MICALL1: variants seen among roughly 807,000 people sequenced by gnomAD.
The protein encoded by MICALL1 is MICAL like 1.
A neutral mutation model predicts 83.7 loss-of-function variants in MICALL1; 61 were observed. That is an observed-to-expected ratio of 0.73 (90% CI 0.59 to 0.90). The LOEUF is 0.90. MICALL1 is among the 40% of genes least tolerant of loss of function. The probability of loss-of-function intolerance (pLI) is 0.00; values close to 1 mark genes in which losing one functional copy is unlikely to be tolerated. For missense variants in MICALL1, 1,066 were observed against 1,152.0 expected, an observed-to-expected ratio of 0.93 and a Z score of 1.08; for synonymous variants, 481 against 473.6, an observed-to-expected ratio of 1.02 and a Z score of -0.20.
In MICALL1 at chr22:37,925,859, T is replaced by TGAG. The variant is rs748727207; in HGVS notation, c.1296_1298dup (p.Glu432dup). ...TGGAGTCCAAACCCTATAACCCCTTTGAGGAGGAGGAGGAGGACAAGGAGG... is the reference window on the plus strand; with the variant it reads ...TGGAGTCCAAACCCTATAACCCCTTTGAGGAGGAGGAGGAGGAGGACAAGGAGG... On this transcript the variant is annotated inframe_insertion, in exon 8 of 16. Transcript: ENST00000215957. 3.1e-6 allele frequency: 5 copies of TGAG among 1,613,564 alleles called. No individual in the cohort carries two copies. Among genetic ancestry groups the TGAG allele is most frequent in the Admixed American group, 3.3e-5 (2 of 59,984 alleles).
At chr22:37,934,583 A>C (rs989842408) in intron 13 of MICALL1, among the ~76,000 whole-genome samples, 4 of 145,572 alleles carry the variant, frequency 2.7e-5, no homozygotes, top group African/African-American at 5.0e-5. Context: ...GGGGGGGGGT[A>C]TTTATTTATT....
chr22:37,932,051 T>G lies in MICALL1; in HGVS notation c.2016+118T>G. 1 of 1,433,874 alleles carries G rather than the reference T, an allele frequency of 7.0e-7. No homozygotes were observed. The highest frequency in any genetic ancestry group is 9.3e-7 in the Non-Finnish European group (1 of 1,073,568). 88.8% of individuals were successfully genotyped at this position (1,433,874 alleles called of 1,614,324 possible). The stretch of plus-strand genomic sequence containing the variant: ...GGCTGGCTAGGCAGTGGGCCTCAGA[T>G]GCTCAAGAGAGCACTCTTGGCGGCC... On this transcript the variant is annotated intron_variant, in intron 10 of 15. Coordinates refer to ENST00000215957, the MANE Select transcript of MICALL1 (RefSeq NM_033386.4). This position sits in a 1 kb window ranked among gnomAD's most constrained non-coding sequence, Gnocchi z 4.4.
chr22:37,927,149 CATGGGGGCT>C (rs1210824441), intron 8 of MICALL1: 3 of 452,506 alleles, frequency 6.6e-6, no homozygotes, highest in African/African-American at 5.9e-5. Context: ...TGGGTGCCCT[CATGGGGGCT>C]ATGGGGAGTG....
chr22:37,917,659 C>T (rs750046077), intron 3 of MICALL1, 48 bp from the exon 4 acceptor site: 8 of 1,572,230 alleles, frequency 5.1e-6, no homozygotes, highest in Non-Finnish European at 1.7e-6. Context: ...CCTCCTGGGA[C>T]TCCAGGATCT....
Position 37,925,844 on chromosome 22 carries a change from A to G in MICALL1, c.1266A>G (p.Lys422=). ...QPSPTASLES[K]PYNPFEEEEE... is the part of the protein sequence containing the mutation. Reference sequence around the variant, plus strand: ...GCCCAACGGCCAGCCTGGAGTCCAAACCCTATAACCCCTTTGAGGAGGAGG... The same window carrying G: ...GCCCAACGGCCAGCCTGGAGTCCAAGCCCTATAACCCCTTTGAGGAGGAGG... The change falls in exon 8 of 16, where the codon AAA becomes AAG. Residue 422 remains lysine (K), a synonymous_variant. Coordinates refer to ENST00000215957, the MANE Select transcript of MICALL1 (RefSeq NM_033386.4). The G allele has an allele frequency of 6.2e-7, 1 of 1,613,776 alleles. No individual in the cohort carries two copies. Among genetic ancestry groups the G allele is most frequent in the Middle Eastern group, 1.7e-4 (1 of 6,036 alleles).
At position 37,906,629 on chromosome 22, in the gene MICALL1, C is replaced by G; in HGVS notation, c.146+61C>G. On this transcript the variant is annotated intron_variant, in intron 1 of 15. Coordinates refer to ENST00000215957, the MANE Select transcript of MICALL1 (RefSeq NM_033386.4). The surrounding 1 kb of genome is among the most constrained non-coding windows in gnomAD (Gnocchi z 4.4). ...GGCGGGCTGGGGCCGCGACCGCCGCCCCCCCTCAGTAACACGAAGCCCGGG... is the reference window on the plus strand; with the variant it reads ...GGCGGGCTGGGGCCGCGACCGCCGCGCCCCCTCAGTAACACGAAGCCCGGG... The G allele has an allele frequency of 8.8e-7, 1 of 1,135,154 alleles. No individual in the cohort carries two copies. The highest frequency in any genetic ancestry group is 4.9e-5 in the Admixed American group (1 of 20,496). 70.3% of individuals were successfully genotyped at this position (1,135,154 alleles called of 1,614,324 possible).
intron 15 of MICALL1, among the ~76,000 whole-genome samples, chr22:37,938,343 A>G (rs895214774): frequency 1.3e-5 from 2 of 148,290 alleles, no homozygotes; most frequent in Non-Finnish European, 1.5e-5. Flanking sequence ...TGGAGCTTGC[A>G]GTGAGCCGAG....
chr22:37,913,609 C>T (rs891784478), intron 3 of MICALL1, among the ~76,000 whole-genome samples: 3 of 152,174 alleles, frequency 2.0e-5, no homozygotes, highest in African/African-American at 7.2e-5. Context: ...TACAAAGTGA[C>T]TCGGTTCTGA....
chr22:37,940,951 A>T lies in MICALL1; in HGVS notation c.*121A>T. On this transcript the variant is annotated 3_prime_UTR_variant, in exon 16 of 16. Coordinates refer to ENST00000215957, the MANE Select transcript of MICALL1 (RefSeq NM_033386.4). ...AGGAGGAAGATGACTAAGGGGAGGG[A>T]TCCTCTGGGTGATGGCCTCTTCCTC... 1 of 1,295,954 alleles carries T rather than the reference A, an allele frequency of 7.7e-7. No homozygotes were observed. The highest frequency in any genetic ancestry group is 1.1e-6 in the Non-Finnish European group (1 of 940,998). The allele number at this position is 1,295,954 out of a possible 1,614,324, so 80.3% of individuals were successfully genotyped here.
intron 9 of MICALL1, among the ~76,000 whole-genome samples, chr22:37,931,370 T>A (rs1929775311): frequency 1.3e-5 from 2 of 150,930 alleles, no homozygotes; most frequent in Non-Finnish European, 2.9e-5. Flanking sequence ...AGTGAGAACC[T>A]GTCTTTACAA....
intron 3 of MICALL1, among the ~76,000 whole-genome samples, chr22:37,914,145 G>A (rs1928517758): frequency 6.6e-6 from 1 of 151,646 alleles, no homozygotes; most frequent in African/African-American, 2.4e-5. Context: ...CAAAGTGGTA[G>A]GATTACAGGC....
intron 15 of MICALL1, among the ~76,000 whole-genome samples, chr22:37,938,031 C>G (rs143691817): frequency 6.6e-6 from 1 of 152,106 alleles, no homozygotes; most frequent in African/African-American, 2.4e-5. Flanking sequence ...CCTACAGAGA[C>G]GACTGTGGTA....
In MICALL1 at chr22:37,927,711, C is replaced by T. The variant is rs141260509; in HGVS notation, c.1766C>T (p.Ser589Leu). ...CTTGCCCCCAGGACCAGGGGCAGCTCAGGTCCCCAGCCAGCCAAGCCCTGC... is the reference window on the plus strand; with the variant it reads ...CTTGCCCCCAGGACCAGGGGCAGCTTAGGTCCCCAGCCAGCCAAGCCCTGC... ...PGLAPRTRGS[S>L]GPQPAKPCSG... Residue 589 changes from serine (S) to leucine (L), a missense_variant, in exon 9 of 16, where the codon TCA becomes TTA. Physicochemically the swap from Ser to Leu is moderately radical, Grantham distance 145. Transcript: ENST00000215957. 5.6e-5 allele frequency: 90 copies of T among 1,614,094 alleles called. No individual in the cohort carries two copies. Among genetic ancestry groups the T allele is most frequent in the Middle Eastern group, 3.3e-4 (2 of 6,060 alleles).
chr22:37,926,435 C>T (rs2145923362), intron 8 of MICALL1: 1 of 201,396 alleles, frequency 5.0e-6, no homozygotes, highest in East Asian at 1.1e-4. Flanking sequence ...CTAACTCTGT[C>T]ACTGTCGCTG....
intron 6 of MICALL1, among the ~76,000 whole-genome samples, chr22:37,923,228 G>C (rs1248687523): frequency 1.3e-5 from 2 of 150,714 alleles, no homozygotes; most frequent in Non-Finnish European, 2.9e-5. Flanking sequence ...ACTGTGCCGG[G>C]CTCTTTTTAT....
Position 37,922,434 on chromosome 22 carries a change from G to C in MICALL1, c.1024+8G>C, listed in dbSNP as rs762022088. 18 of 1,510,508 alleles carry C rather than the reference G, an allele frequency of 1.2e-5. No homozygotes were observed. The South Asian group carries it at 1.8e-4, about 15-fold the overall frequency. 93.6% of individuals were successfully genotyped at this position (1,510,508 alleles called of 1,614,324 possible). On this transcript the variant is annotated splice_region_variant and intron_variant, in intron 6 of 15. Coordinates refer to ENST00000215957, the MANE Select transcript of MICALL1 (RefSeq NM_033386.4). The stretch of plus-strand genomic sequence containing the variant: ...GCAGCAGCCTGGTGAACGGTGAGCA[G>C]GGTGCAGTCAGGGCAGGGGGCACCG...
At chr22:37,939,666 C>G (rs1462983604) in intron 15 of MICALL1, among the ~76,000 whole-genome samples, 1 of 146,888 alleles carries the variant, frequency 6.8e-6, no homozygotes, top group African/African-American at 2.5e-5. Context: ...CCCAGCTACT[C>G]GGGAGGCTGA....
rs185658544 is a variant in MICALL1 at position 37,914,637 on chromosome 22, A to G, written c.337+2145A>G. 4.0e-3 allele frequency among the ~76,000 whole-genome samples: 604 copies of G among 151,506 alleles called. 4 individuals are homozygous for G. Among genetic ancestry groups the G allele is most frequent in the African/African-American group, 0.013 (554 of 41,322 alleles). On this transcript the variant is annotated intron_variant, in intron 3 of 15. Coordinates refer to ENST00000215957, the MANE Select transcript of MICALL1 (RefSeq NM_033386.4). ...CGCGCACACACACACACACGCACAT[A>G]TATGTGTATTTTTTTTGAGACAGGG...
At chr22:37,918,428 C>G (rs1267994890) in intron 4 of MICALL1, among the ~76,000 whole-genome samples, 2 of 152,182 alleles carry the variant, frequency 1.3e-5, no homozygotes, top group African/African-American at 4.8e-5. Context: ...CCCATCTGCT[C>G]TTTGCTGGAG....
Sources: allele counts gnomAD v4.1 joint callset (sites outside exome capture counted in the v4.1 genomes callset), GRCh38; gene constraint gnomAD v4.1.1; non-coding constraint Gnocchi (gnomAD v3.1); transcripts MANE v1.5; gene names NCBI Gene and HGNC (gene_info 2026-07-23, HGNC 2026-07-21).